C11orf65: variants seen among roughly 807,000 people sequenced by gnomAD.
C11orf65 encodes chromosome 11 open reading frame 65.
In C11orf65, 38 loss-of-function variants were observed where a neutral mutation model predicts 35.3. The observed-to-expected ratio is 1.08, with a 90% CI of 0.83 to 1.41. The LOEUF is 1.41. C11orf65 is among the 40% of genes most tolerant of loss of function. The probability of loss-of-function intolerance (pLI) is 0.00; values close to 1 mark genes in which losing one functional copy is unlikely to be tolerated. For missense variants in C11orf65, 370 were observed against 367.1 expected (o/e 1.01, Z -0.06); for synonymous variants, 105 against 114.4 (o/e 0.92, Z 0.53).
At chr11:108,354,920 A>G (rs1173309552) in intron 2 of C11orf65, 2 of 1,501,036 alleles carry the variant, frequency 1.3e-6, no homozygotes, top group South Asian at 1.1e-5. Flanking sequence ...CTTACCAGGT[A>G]GACTGTGTAT....
At chr11:108,329,184 A>C (rs1565527146), downstream of C11orf65, 1 of 1,614,066 alleles carries the variant, frequency 6.2e-7, no homozygotes, top group Non-Finnish European at 8.5e-7. Flanking sequence ...GCTCTCCTGA[A>C]AAGAGCCAAA....
At position 108,437,707 on chromosome 11, in the gene C11orf65, T is replaced by TAAAA. The variant is rs145337876; in HGVS notation, c.82-5873_82-5870dup. On this transcript the variant is annotated intron_variant, in intron 2 of 8. Coordinates refer to ENST00000393084, the MANE Select transcript of C11orf65 (RefSeq NM_152587.5). ...CCTGGTGACAGGTGAGACTCAGTCT[T>TAAAA]AAAAAAAAAAAAAAAAAAAAAAAAA... Among the ~76,000 whole-genome samples, 79 of 38,024 alleles carry TAAAA rather than the reference T, an allele frequency of 2.1e-3. 6 individuals are homozygous for TAAAA. Among genetic ancestry groups the TAAAA allele is most frequent in the African/African-American group, 1.0e-2 (70 of 7,034 alleles). The allele number at this position is 38,024 out of a possible 152,430, so 24.9% of individuals were successfully genotyped here. A position where few individuals can be genotyped will look rare whatever the true frequency, so the allele number is the denominator to read the frequency against.
intron 2 of C11orf65, among the ~76,000 whole-genome samples, chr11:108,374,028 C>A (rs2091646342): frequency 6.6e-6 from 1 of 152,230 alleles, no homozygotes; most frequent in Non-Finnish European, 1.5e-5. Flanking sequence ...CCGGGAAGCT[C>A]CAACTGGGTG....
chr11:108,440,066 T>C (rs910354482), intron 2 of C11orf65, among the ~76,000 whole-genome samples: 3 of 152,142 alleles, frequency 2.0e-5, no homozygotes, highest in Non-Finnish European at 2.9e-5. Flanking sequence ...GTGAAATATC[T>C]GGAAATAACA....
intron 2 of C11orf65, among the ~76,000 whole-genome samples, chr11:108,449,422 T>TAGTA (rs978271233): frequency 2.0e-4 from 31 of 152,124 alleles, no homozygotes; most frequent in African/African-American, 7.5e-4. Context: ...AGCATGGTAC[T>TAGTA]GGTACCAAAA....
At chr11:108,451,221 CTGTT>C (rs903809981) in intron 2 of C11orf65, among the ~76,000 whole-genome samples, 19 of 152,088 alleles carry the variant, frequency 1.2e-4, no homozygotes, top group Admixed American at 1.2e-3. Context: ...CAAATTGTCT[CTGTT>C]TGCAGACGAC....
intron 2 of C11orf65, among the ~76,000 whole-genome samples, chr11:108,343,558 CATAAT>C (rs2087882394): frequency 6.6e-6 from 1 of 152,190 alleles, no homozygotes; most frequent in Non-Finnish European, 1.5e-5. Flanking sequence ...TTTTAAACTA[CATAAT>C]ATGTCAACCC....
chr11:108,398,087 G>C (rs2092361171), intron 6 of C11orf65, among the ~76,000 whole-genome samples: 1 of 152,170 alleles, frequency 6.6e-6, no homozygotes. Context: ...CTAGGGAGAG[G>C]AAATATCATG....
rs730881306 is a variant in C11orf65 at position 108,345,733 on chromosome 11, CTATT to C, written c.227-10445_227-10442del. The C allele has an allele frequency of 1.3e-6, 2 of 1,567,368 alleles. No homozygotes were observed. Among genetic ancestry groups the C allele is most frequent in the Admixed American group, 1.7e-5 (1 of 58,014 alleles). On this transcript the variant is annotated intron_variant, in intron 2 of 3. Transcript: ENST00000524755. Reference sequence around the variant, plus strand: ...ATTGAAAAATAATTATATATATTCTCTATTTAAAGGAGGTGCAAAAAAAGTCTTT... The same window carrying C: ...ATTGAAAAATAATTATATATATTCTCTAAAGGAGGTGCAAAAAAAGTCTTT...
chr11:108,325,595 T>A (rs1263049779), intron 6 of C11orf65: 1 of 1,458,720 alleles, frequency 6.9e-7, no homozygotes, highest in Non-Finnish European at 9.5e-7. Flanking sequence ...TTCCTTTTAT[T>A]ATTTAAAAAA....
At chr11:108,384,700 G>A (rs1199023221) in intron 8 of C11orf65, among the ~76,000 whole-genome samples, 1 of 152,280 alleles carries the variant, frequency 6.6e-6, no homozygotes, top group Non-Finnish European at 1.5e-5. Flanking sequence ...TTGAGCCTGG[G>A]AGGCAGAGGC....
chr11:108,329,330 G>C, downstream of C11orf65: 2 of 1,184,064 alleles, frequency 1.7e-6, no homozygotes, highest in East Asian at 5.1e-5. Context: ...CTTTTTATCT[G>C]ATATAGTTTT....
intron 2 of C11orf65, among the ~76,000 whole-genome samples, chr11:108,343,040 T>C (rs922926633): frequency 6.6e-6 from 1 of 152,202 alleles, no homozygotes; most frequent in African/African-American, 2.4e-5. Context: ...TGGAAAATTA[T>C]ATTCTTTGAG....
At chr11:108,382,730 T>C, downstream of C11orf65, 25 of 971,270 alleles carry the variant, frequency 2.6e-5, no homozygotes, top group Non-Finnish European at 3.1e-5. Context: ...CAAGTAAACA[T>C]GCAAAATAAT....
At chr11:108,333,103 C>T (rs1442340564) in intron 3 of C11orf65, among the ~76,000 whole-genome samples, 1 of 152,078 alleles carries the variant, frequency 6.6e-6, no homozygotes, top group Non-Finnish European at 1.5e-5. Flanking sequence ...GGTGACTACA[C>T]TAAATTAATT....
chr11:108,375,605 A>G (rs2091700778), intron 2 of C11orf65, among the ~76,000 whole-genome samples: 1 of 152,214 alleles, frequency 6.6e-6, no homozygotes, highest in South Asian at 2.1e-4. Context: ...AGCTAACATC[A>G]TAATGACAGG....
At chr11:108,318,192 T>C (rs908548123) in intron 6 of C11orf65, among the ~76,000 whole-genome samples, 4 of 151,966 alleles carry the variant, frequency 2.6e-5, no homozygotes, top group Non-Finnish European at 5.9e-5. Flanking sequence ...TGAAACCCTT[T>C]CTCTACTAAA....
At chr11:108,422,511 C>T (rs1053604621) in intron 3 of C11orf65, among the ~76,000 whole-genome samples, 1 of 152,082 alleles carries the variant, frequency 6.6e-6, no homozygotes, top group Non-Finnish European at 1.5e-5. Flanking sequence ...TTAAAGGTGG[C>T]ACCGCAGAGC....
At chr11:108,317,347 T>C (rs896174309) in intron 6 of C11orf65, 1 of 1,605,584 alleles carries the variant, frequency 6.2e-7, no homozygotes, top group Non-Finnish European at 8.5e-7. Context: ...ATTACTTAAC[T>C]TAAAAACAAA....
Sources: allele counts gnomAD v4.1 joint callset (sites outside exome capture counted in the v4.1 genomes callset), GRCh38; gene constraint gnomAD v4.1.1; transcripts MANE v1.5; gene names NCBI Gene and HGNC (gene_info 2026-07-23, HGNC 2026-07-21).